Variants in ROBO2 observed in about 807,000 individuals in gnomAD.
The protein encoded by ROBO2 is roundabout homolog 2.
ROBO2 carries 53 observed loss-of-function variants against 160.8 expected under a neutral mutation model. The ratio of observed to expected loss-of-function variants is 0.33; its 90% confidence interval spans 0.26 to 0.41. The LOEUF (loss-of-function observed/expected upper bound fraction) is 0.41, where lower values mean the gene tolerates loss of function less well. ROBO2 is among the 10% of genes least tolerant of loss of function. ROBO2 has a pLI of 1.00. For missense variants in ROBO2, 1,577 were observed against 1,722.4 expected (o/e 0.92, Z 1.49); for synonymous variants, 664 against 611.7 (o/e 1.09, Z -1.26).
At chr3:76,106,645 A>G (rs2069946919) in intron 2 of ROBO2, among the ~76,000 whole-genome samples, 1 of 152,170 alleles carries the variant, frequency 6.6e-6, no homozygotes, top group African/African-American at 2.4e-5. Context: ...TTTTCAAATT[A>G]TGAATTGAAT....
chr3:75,919,728 T>G (rs573899899), intron 1 of ROBO2, among the ~76,000 whole-genome samples: 14 of 152,322 alleles, frequency 9.2e-5, no homozygotes, highest in South Asian at 6.2e-4. Flanking sequence ...GTTATTGGTC[T>G]ATTCAGGGAT....
At chr3:76,184,160 C>T (rs1463221076) in intron 2 of ROBO2, among the ~76,000 whole-genome samples, 1 of 152,076 alleles carries the variant, frequency 6.6e-6, no homozygotes, top group Non-Finnish European at 1.5e-5. Flanking sequence ...TTAATTTAGA[C>T]TGGGCTCAGT....
intron 2 of ROBO2, among the ~76,000 whole-genome samples, chr3:76,201,099 C>T (rs1702503906): frequency 1.3e-5 from 2 of 152,036 alleles, no homozygotes; most frequent in Non-Finnish European, 1.5e-5. Context: ...TTTTGCAAAA[C>T]AACAAAACAA....
At chr3:76,391,011 A>G (rs1197150037) in intron 2 of ROBO2, among the ~76,000 whole-genome samples, 1 of 152,180 alleles carries the variant, frequency 6.6e-6, no homozygotes, top group African/African-American at 2.4e-5. Context: ...AAAATAGATT[A>G]ATTAAATTCA....
chr3:77,130,445 CA>C (rs10707513), intron 2 of ROBO2, among the ~76,000 whole-genome samples: 146,300 of 152,152 alleles, frequency 0.96, 70,594 homozygotes, highest in East Asian at 1. Context: ...AAGTAATTAG[CA>C]AAAAAAAATA....
At position 77,048,469 on chromosome 3, in the gene ROBO2, T is replaced by A. The variant is rs548643595; in HGVS notation, c.61+7623T>A. Among the ~76,000 whole-genome samples the A allele has an allele frequency of 9.8e-5, 15 of 152,326 alleles. No individual in the cohort carries two copies. The East Asian group carries it at 1.5e-3, about 16-fold the overall frequency. ...AGGAATCACACAAATGGCAATTTGT[T>A]AGCAAGTAGACCATGCTTGTGTAAG... On this transcript the variant is annotated intron_variant, in intron 1 of 25. Transcript: ENST00000461745.
chr3:76,598,204 A>G (rs55744393), intron 2 of ROBO2, among the ~76,000 whole-genome samples: 7,092 of 152,144 alleles, frequency 0.047, 184 homozygotes, highest in African/African-American at 0.067. Context: ...TTCCATTTAT[A>G]TAACATTCTA....
At chr3:77,487,535 C>A (rs779476616) in intron 4 of ROBO2, among the ~76,000 whole-genome samples, 1 of 152,144 alleles carries the variant, frequency 6.6e-6, no homozygotes, top group Non-Finnish European at 1.5e-5. Flanking sequence ...ATTCAGACAG[C>A]CTGATCATTA....
intron 2 of ROBO2, among the ~76,000 whole-genome samples, chr3:77,153,480 C>T (rs1053883820): frequency 6.6e-6 from 1 of 151,978 alleles, no homozygotes; most frequent in African/African-American, 2.4e-5. Context: ...CCAAAATGAG[C>T]CTTTAGAAGT....
At chr3:77,596,296 T>C (rs1445805709) in intron 18 of ROBO2, among the ~76,000 whole-genome samples, 1 of 152,148 alleles carries the variant, frequency 6.6e-6, no homozygotes, top group Non-Finnish European at 1.5e-5. Flanking sequence ...AGCAGTCACT[T>C]TGAGCAGTTG....
At chr3:77,629,774 A>G (rs2095118268) in intron 23 of ROBO2, 1 of 152,224 alleles carries the variant, frequency 6.6e-6, no homozygotes, top group African/African-American at 2.4e-5. Flanking sequence ...GAAATTACAC[A>G]TCAAATAATG....
chr3:77,180,747 C>A (rs576581329), intron 2 of ROBO2, among the ~76,000 whole-genome samples: 221 of 151,902 alleles, frequency 1.5e-3, no homozygotes, highest in African/African-American at 5.0e-3. Flanking sequence ...TTATTAAATA[C>A]TTCCCAGATA....
At chr3:76,557,223 C>A (rs1475096751) in intron 2 of ROBO2, among the ~76,000 whole-genome samples, 1 of 152,030 alleles carries the variant, frequency 6.6e-6, no homozygotes, top group Non-Finnish European at 1.5e-5. Flanking sequence ...ATTTCTCCCC[C>A]TTTCCAACTT....
At chr3:77,137,022 A>C (rs1451154967) in intron 2 of ROBO2, among the ~76,000 whole-genome samples, 2 of 152,082 alleles carry the variant, frequency 1.3e-5, no homozygotes, top group Non-Finnish European at 2.9e-5. Context: ...AACCTCAAGC[A>C]GTCCTCCCAC....
chr3:76,506,288 TAA>T (rs1201697285), intron 2 of ROBO2, among the ~76,000 whole-genome samples: 1 of 152,202 alleles, frequency 6.6e-6, no homozygotes, highest in African/African-American at 2.4e-5. Flanking sequence ...TTGCCAGCAG[TAA>T]AAGTGTCCTG....
intron 2 of ROBO2, among the ~76,000 whole-genome samples, chr3:76,656,902 C>CTTAGTCTTTAACTGGCTGTCTAT (rs2091551558): frequency 1.3e-5 from 2 of 152,100 alleles, no homozygotes; most frequent in African/African-American, 4.8e-5. Context: ...GATTGCAACC[C>CTTAGTCTTTAACTGGCTGTCTAT]TTAGTCTTTA....
At chr3:77,428,652 G>A (rs1322033161) in intron 2 of ROBO2, among the ~76,000 whole-genome samples, 2 of 152,164 alleles carry the variant, frequency 1.3e-5, no homozygotes, top group African/African-American at 2.4e-5. Flanking sequence ...CACCGCGCCC[G>A]GCCGGTAATA....
intron 2 of ROBO2, among the ~76,000 whole-genome samples, chr3:77,175,854 T>G (rs2080102529): frequency 6.6e-6 from 1 of 152,044 alleles, no homozygotes; most frequent in Non-Finnish European, 1.5e-5. Context: ...TTGACTTTGA[T>G]ATATTAATGG....
chr3:76,691,493 G>T (rs1380037228), intron 2 of ROBO2, among the ~76,000 whole-genome samples: 1 of 152,052 alleles, frequency 6.6e-6, no homozygotes, highest in Non-Finnish European at 1.5e-5. Context: ...AATTAAATGG[G>T]CAAAGGAATT....
Sources: allele counts gnomAD v4.1 joint callset (sites outside exome capture counted in the v4.1 genomes callset), GRCh38; gene constraint gnomAD v4.1.1; transcripts MANE v1.5; gene names NCBI Gene and HGNC (gene_info 2026-07-23, HGNC 2026-07-21).